The following PITPNM2 variants were observed in gnomAD, a reference collection of about 807,000 sequenced individuals.
PITPNM2 encodes phosphatidylinositol transfer protein membrane associated 2.
A neutral mutation model predicts 132.2 loss-of-function variants in PITPNM2; 35 were observed. The ratio of observed to expected loss-of-function variants is 0.26; its 90% CI spans 0.20 to 0.35. PITPNM2 has a LOEUF of 0.35. PITPNM2 is among the 10% of genes least tolerant of loss of function. The pLI is 1.00. For synonymous variants in PITPNM2, 738 were observed against 799.2 expected (o/e 0.92, Z 1.29); for missense variants, 1,332 against 1,912.0 (o/e 0.70, Z 5.66).
At chr12:123,030,937 A>C (rs1283761655) in intron 3 of PITPNM2, among the ~76,000 whole-genome samples, 2 of 151,916 alleles carry the variant, frequency 1.3e-5, no homozygotes, top group African/African-American at 4.8e-5. Context: ...TGTCCAGAAC[A>C]GGCAAACCCA....
intron 18 of PITPNM2, among the ~76,000 whole-genome samples, chr12:122,989,507 G>C (rs140383961): frequency 6.6e-6 from 1 of 152,236 alleles, no homozygotes; most frequent in Non-Finnish European, 1.5e-5. Context: ...AGCAGGGCCT[G>C]GTTTACAGGT....
At position 123,009,763 on chromosome 12, in the gene PITPNM2, G is replaced by A; in HGVS notation, c.643+87C>T. The A allele has an allele frequency of 3.9e-6, 5 of 1,268,196 alleles. No individual in the cohort carries two copies. The highest frequency in any genetic ancestry group is 5.7e-6 in the Non-Finnish European group (5 of 876,350). 78.6% of individuals were successfully genotyped at this position (1,268,196 alleles called of 1,614,324 possible). ...GAAACGCAGACTCCCAGGCAGACAT[G>A]CAAAGAGAGGAGGCAGACAGGCAGG... On this transcript the variant is annotated intron_variant, in intron 6 of 25. Transcript: ENST00000320201. This position sits in a 1 kb window ranked among gnomAD's most constrained non-coding sequence, Gnocchi z 4.8.
rs1594112746 is a variant in PITPNM2, at chr12:122,984,873, A to G, written c.*1154T>C. 1 of 152,306 alleles carries G rather than the reference A, an allele frequency of 6.6e-6. No individual in the cohort carries two copies. The highest frequency in any genetic ancestry group is 2.4e-5 in the African/African-American group (1 of 41,468). 9.4% of individuals were successfully genotyped at this position (152,306 alleles called of 1,614,324 possible). On this transcript the variant is annotated 3_prime_UTR_variant, in exon 26 of 26. Transcript: ENST00000320201. ...GGGCAGACGGTCAGACCCAGCGTGCAGGACAGCATGGTCCTTGTTCAGGCG... is the reference window on the plus strand; with the variant it reads ...GGGCAGACGGTCAGACCCAGCGTGCGGGACAGCATGGTCCTTGTTCAGGCG...
At position 123,077,452 on chromosome 12, in the gene PITPNM2, C is replaced by T. The variant is rs2041827377; in HGVS notation, c.-96+32933G>A. Reference sequence around the variant, plus strand: ...GCACGTGCATGCCTCTGAATTTCCTCCCCTTTCCTTGGTCCAACCACAGTC... The same window carrying T: ...GCACGTGCATGCCTCTGAATTTCCTTCCCTTTCCTTGGTCCAACCACAGTC... On this transcript the variant is annotated intron_variant, in intron 2 of 25. Transcript: ENST00000320201. The surrounding 1 kb of genome is among the most constrained non-coding windows in gnomAD (Gnocchi z 4.8). 1.3e-5 allele frequency among the ~76,000 whole-genome samples: 2 copies of T among 152,206 alleles called. No homozygotes were observed. Among genetic ancestry groups the T allele is most frequent in the Non-Finnish European group, 2.9e-5 (2 of 68,040 alleles).
rs185809478 is a variant in PITPNM2 at position 123,032,858 on chromosome 12, C to A, written c.78+1655G>T. Among the ~76,000 whole-genome samples the A allele has an allele frequency of 9.8e-5, 15 of 152,342 alleles. No individual in the cohort carries two copies. In the East Asian group the frequency reaches 1.5e-3, roughly 16 times the overall value. On this transcript the variant is annotated intron_variant, in intron 3 of 25. Transcript: ENST00000320201. ...AGGGAATTGAGTGGTCCTTCTGAAG[C>A]AGCTCAGAGCAAACAGCCCCCCGGA...
chr12:123,077,372 GAC>G lies in PITPNM2; in HGVS notation c.-96+33011_-96+33012del, dbSNP rs2136966975. On this transcript the variant is annotated intron_variant, in intron 2 of 25. Coordinates refer to ENST00000320201, the MANE Select transcript of PITPNM2 (RefSeq NM_020845.3). This position sits in a 1 kb window ranked among gnomAD's most constrained non-coding sequence, Gnocchi z 4.8. ...CAGATAATGAAGGATTGGTCAGAGA[GAC>G]AGCCAACGTGTGGCCAACAATCACC... Among the ~76,000 whole-genome samples, 1 of 152,332 alleles carries G rather than the reference GAC, an allele frequency of 6.6e-6. No homozygotes were observed. The highest frequency in any genetic ancestry group is 2.4e-5 in the African/African-American group (1 of 41,560).
At chr12:123,093,036 T>C (rs774923180) in intron 2 of PITPNM2, among the ~76,000 whole-genome samples, 1 of 152,240 alleles carries the variant, frequency 6.6e-6, no homozygotes, top group Non-Finnish European at 1.5e-5. Flanking sequence ...GGAAGATGAT[T>C]GCACCATGAG....
intron 3 of PITPNM2, among the ~76,000 whole-genome samples, chr12:123,017,984 TTTCCTTCCTTCCTTCCTTCCTTCC>T (rs1163587142): frequency 1.0e-4 from 9 of 90,374 alleles, no homozygotes; most frequent in East Asian, 3.5e-4. Flanking sequence ...TTCTCTCACT[TTTCCTTCCTTCCTTCCTTCCTTCC>T]TTCCTTCCTT....
intron 2 of PITPNM2, among the ~76,000 whole-genome samples, chr12:123,041,044 A>G (rs1323506305): frequency 1.3e-5 from 2 of 152,214 alleles, no homozygotes; most frequent in African/African-American, 2.4e-5. Flanking sequence ...CAGACAGAGA[A>G]GGGCTGGTAG....
intron 2 of PITPNM2, among the ~76,000 whole-genome samples, chr12:123,042,911 T>G (rs2136553213): frequency 6.6e-6 from 1 of 152,150 alleles, no homozygotes; most frequent in African/African-American, 2.4e-5. Flanking sequence ...AACCATCCCC[T>G]TATGCCTGGG....
Position 123,117,233 on chromosome 12 carries a change from AT to A in PITPNM2, c.-199-6746del, listed in dbSNP as rs2042950689. On this transcript the variant is annotated intron_variant, in intron 1 of 25. Coordinates refer to ENST00000320201, the MANE Select transcript of PITPNM2 (RefSeq NM_020845.3). This position sits in a 1 kb window ranked among gnomAD's most constrained non-coding sequence, Gnocchi z 4.7. ...ATATCCCAATGGAGTGAATGCTGAAATGAAGCCGGTGCTGAGTTTCAAACAG... is the reference window on the plus strand; with the variant it reads ...ATATCCCAATGGAGTGAATGCTGAAAGAAGCCGGTGCTGAGTTTCAAACAG... Among the ~76,000 whole-genome samples the A allele has an allele frequency of 6.6e-6, 1 of 152,232 alleles. No homozygotes were observed. Among genetic ancestry groups the A allele is most frequent in the African/African-American group, 2.4e-5 (1 of 41,464 alleles).
rs1459159247 is a variant in PITPNM2, at chr12:122,988,864, T to C, written c.2740A>G (p.Lys914Glu). The change falls in exon 19 of 26, where the codon AAG becomes GAG. Residue 914 changes from lysine to glutamate, a missense_variant. Transcript: ENST00000320201. Reference sequence around the variant, plus strand: ...TCGATCCGCTTCTGGCCCCACCACTTTGCAGCGACTGCCAGGAGGGGCCGT... The same window carrying C: ...TCGATCCGCTTCTGGCCCCACCACTCTGCAGCGACTGCCAGGAGGGGCCGT... ...PELDIGEVAA[K>E]WWGQKRIDYA... The C allele has an allele frequency of 1.9e-6, 3 of 1,563,892 alleles. No homozygotes were observed. The highest frequency in any genetic ancestry group is 8.7e-7 in the Non-Finnish European group (1 of 1,153,568).
intron 3 of PITPNM2, among the ~76,000 whole-genome samples, chr12:123,019,736 T>C (rs531344913): frequency 6.6e-6 from 1 of 152,352 alleles, no homozygotes; most frequent in African/African-American, 2.4e-5. Context: ...GAGATGTCAT[T>C]GTCCAGGCTG....
At chr12:123,030,814 C>A (rs1457344080) in intron 3 of PITPNM2, among the ~76,000 whole-genome samples, 1 of 152,038 alleles carries the variant, frequency 6.6e-6, no homozygotes, top group African/African-American at 2.4e-5. Context: ...AGCCATAAAA[C>A]GTAATGAGGC....
At chr12:123,151,368 C>G (rs1157024382), upstream of PITPNM2, among the ~76,000 whole-genome samples, 1 of 152,058 alleles carries the variant, frequency 6.6e-6, no homozygotes, top group Non-Finnish European at 1.5e-5. Context: ...GGGCTCCTCG[C>G]CCACCGTCCG....
chr12:122,987,756 C>T lies in PITPNM2; in HGVS notation c.3114+29G>A, dbSNP rs1555284905. 6.8e-6 allele frequency: 11 copies of T among 1,613,640 alleles called. No homozygotes were observed. In the South Asian group the frequency reaches 1.2e-4, roughly 18 times the overall value. ...AGCAGGGAGCTCCCCAAAGTCCCTC[C>T]ATGTTACCCCTACCCGCCGTGTCCT... On this transcript the variant is annotated intron_variant, in intron 21 of 25. Transcript: ENST00000320201.
chr12:123,132,624 C>T (rs916547871), intron 1 of PITPNM2, among the ~76,000 whole-genome samples: 4 of 151,772 alleles, frequency 2.6e-5, no homozygotes, highest in African/African-American at 9.7e-5. Flanking sequence ...ACTTCCAGAG[C>T]ATTTTCATTA....
At chr12:122,988,621 G>T in intron 19 of PITPNM2, 103 bp downstream of exon 19, 2 of 1,234,100 alleles carry the variant, frequency 1.6e-6, no homozygotes, top group Non-Finnish European at 2.2e-6. Context: ...GTGATCTGAT[G>T]GGGTTGGAGA....
In PITPNM2 at chr12:123,096,256, C is replaced by T. The variant is rs762989899; in HGVS notation, c.-96+14129G>A. ...AGCACACCCAGGCACCATTTATTTA[C>T]GCAATATTAACACATGCCCTGCTTG... is the stretch of plus-strand genomic sequence containing the variant. On this transcript the variant is annotated intron_variant, in intron 2 of 25. Transcript: ENST00000320201. Among the ~76,000 whole-genome samples, 7 of 152,218 alleles carry T rather than the reference C, an allele frequency of 4.6e-5. No individual in the cohort carries two copies. In the South Asian group the frequency reaches 8.3e-4, roughly 18 times the overall value.
Sources: gnomAD v4.1 joint callset for allele counts (sites outside exome capture counted in the v4.1 genomes callset) on GRCh38, gnomAD v4.1.1 for gene constraint, Gnocchi (gnomAD v3.1) non-coding constraint, MANE v1.5 for transcripts, NCBI Gene and HGNC (gene_info 2026-07-23, HGNC 2026-07-21) for gene names.